The following ZMYM2 variants were observed in gnomAD, a reference collection of about 807,000 sequenced individuals.
ZMYM2 encodes zinc finger MYM-type protein 2.
ZMYM2 carries 56 observed loss-of-function variants against 162.8 expected under a neutral mutation model. The observed-to-expected ratio is 0.34, with a 90% CI of 0.28 to 0.43. The LOEUF is 0.43. Among genes scored for constraint, ZMYM2 ranks in the 20% least tolerant of loss-of-function variants. The pLI, the probability that ZMYM2 is intolerant of heterozygous loss-of-function variation, is 1.00. For missense variants in ZMYM2, 1,275 were observed against 1,621.8 expected, an observed-to-expected ratio of 0.79 and a Z score of 3.67; for synonymous variants, 510 against 541.6, an observed-to-expected ratio of 0.94 and a Z score of 0.81.
the ZMYM2 span, among the ~76,000 whole-genome samples, chr13:19,914,934 A>C: frequency 6.6e-6 from 1 of 152,150 alleles, no homozygotes; most frequent in Non-Finnish European, 1.5e-5. Context: ...TCAGTGTCCA[A>C]ATATAGGGTG....
the ZMYM2 span, among the ~76,000 whole-genome samples, chr13:19,926,403 G>A: frequency 1.6e-4 from 21 of 132,550 alleles, no homozygotes; most frequent in East Asian, 6.6e-4. Context: ...TCATTCTGTC[G>A]CCCAGGCTGG....
Position 20,087,564 on chromosome 13 carries a change from A to G in ZMYM2, c.*1550A>G. Reference sequence around the variant, plus strand: ...TAGATACTCCTCTCTCCCATAGGATAAATGTTACAGCACACAAAAGAAATT... The same window carrying G: ...TAGATACTCCTCTCTCCCATAGGATGAATGTTACAGCACACAAAAGAAATT... On this transcript the variant is annotated 3_prime_UTR_variant, in exon 25 of 25. Coordinates refer to ENST00000610343, the MANE Select transcript of ZMYM2 (RefSeq NM_197968.4). 1 of 185,584 alleles carries G rather than the reference A, an allele frequency of 5.4e-6. No individual in the cohort carries two copies. The highest frequency in any genetic ancestry group is 1.1e-5 in the Non-Finnish European group (1 of 87,496). 11.5% of individuals were successfully genotyped at this position (185,584 alleles called of 1,614,324 possible).
chr13:19,938,632 G>T, the ZMYM2 span, among the ~76,000 whole-genome samples: 1 of 152,094 alleles, frequency 6.6e-6, no homozygotes, highest in Non-Finnish European at 1.5e-5. Context: ...GGCTCTGATA[G>T]ATAGACTAGA....
Position 20,051,548 on chromosome 13 carries a change from A to G in ZMYM2, c.2408A>G (p.Gln803Arg). The G allele has an allele frequency of 6.2e-7, 1 of 1,613,572 alleles. No homozygotes were observed. The highest frequency in any genetic ancestry group is 8.5e-7 in the Non-Finnish European group (1 of 1,179,602). ...TGCTTACTGCGTTTCTACTGTCAAC[A>G]AAATGAGCCCAACATGACAACTCAG... ...QHCLLRFYCQ[Q>R]NEPNMTTQKG... Residue 803 changes from glutamine (Q) to arginine (R), a missense_variant, in exon 13 of 25, where the codon CAA becomes CGA. This residue lies in a region of ZMYM2 where 177 missense variants were observed against 228.0 expected (regional missense o/e 0.78). Transcript: ENST00000610343.
chr13:19,882,907 G>C, the ZMYM2 span, among the ~76,000 whole-genome samples: 11 of 152,092 alleles, frequency 7.2e-5, no homozygotes, highest in African/African-American at 2.7e-4. Flanking sequence ...CTGGGTTTAT[G>C]CTCAAAATAA....
chr13:19,941,608 T>G, the ZMYM2 span, among the ~76,000 whole-genome samples: 1 of 152,038 alleles, frequency 6.6e-6, no homozygotes, highest in African/African-American at 2.4e-5. Flanking sequence ...CTGTGATTGG[T>G]TAAAGCTCAA....
chr13:20,048,724 T>C, intron 12 of ZMYM2, among the ~76,000 whole-genome samples: 1 of 151,910 alleles, frequency 6.6e-6, no homozygotes. Context: ...AATTTCTGTT[T>C]AGCTGATAGG....
In ZMYM2 at chr13:20,087,887, AAG is replaced by A. The variant is rs1401923833; in HGVS notation, c.*1874_*1875del. The A allele has an allele frequency of 5.3e-6, 1 of 189,258 alleles. No homozygotes were observed. The highest frequency in any genetic ancestry group is 2.3e-5 in the African/African-American group (1 of 42,992). 11.7% of individuals were successfully genotyped at this position (189,258 alleles called of 1,614,324 possible). ...TACCTTTTTCCAGAACTACTTCTTTAAGCACTTTTCCTATTAATGCCTATTGT... is the reference window on the plus strand; with the variant it reads ...TACCTTTTTCCAGAACTACTTCTTTACACTTTTCCTATTAATGCCTATTGT... On this transcript the variant is annotated 3_prime_UTR_variant, in exon 25 of 25. Coordinates refer to ENST00000610343, the MANE Select transcript of ZMYM2 (RefSeq NM_197968.4).
At chr13:19,930,437 C>T in the ZMYM2 span, among the ~76,000 whole-genome samples, 1 of 151,866 alleles carries the variant, frequency 6.6e-6, no homozygotes, top group Non-Finnish European at 1.5e-5. Context: ...AATTTTAAAC[C>T]TATTATTTTT....
At chr13:20,029,571 G>T (rs538405865) in intron 9 of ZMYM2, among the ~76,000 whole-genome samples, 17 of 152,172 alleles carry the variant, frequency 1.1e-4, no homozygotes, top group African/African-American at 4.1e-4. Flanking sequence ...CACAAACTTA[G>T]TGTTGTACAG....
chr13:19,919,661 A>G, the ZMYM2 span, among the ~76,000 whole-genome samples: 1 of 141,406 alleles, frequency 7.1e-6, no homozygotes, highest in Non-Finnish European at 1.5e-5. Flanking sequence ...ATGTCTCTTT[A>G]TATGTTTTTT....
chr13:19,918,660 A>G, the ZMYM2 span, among the ~76,000 whole-genome samples: 3 of 151,274 alleles, frequency 2.0e-5, no homozygotes, highest in East Asian at 4.0e-4. Context: ...CACCACGCCC[A>G]GCTAATTTTT....
the ZMYM2 span, among the ~76,000 whole-genome samples, chr13:19,935,659 TTC>T: frequency 6.6e-6 from 1 of 152,170 alleles, no homozygotes; most frequent in African/African-American, 2.4e-5. Flanking sequence ...CCTTTTTTTT[TTC>T]TTTTGAGACA....
chr13:20,024,651 CT>C, intron 7 of ZMYM2: 1 of 223,318 alleles, frequency 4.5e-6, no homozygotes, highest in Non-Finnish European at 8.9e-6. Flanking sequence ...GTTTTTGTCC[CT>C]TTTCCAGTAT....
At chr13:19,948,373 A>T in the ZMYM2 span, among the ~76,000 whole-genome samples, 1 of 152,242 alleles carries the variant, frequency 6.6e-6, no homozygotes, top group African/African-American at 2.4e-5. Flanking sequence ...AGGTAAATGG[A>T]TAAATGAACT....
chr13:19,907,909 T>G, the ZMYM2 span, among the ~76,000 whole-genome samples: 3 of 152,122 alleles, frequency 2.0e-5, no homozygotes, highest in Non-Finnish European at 2.9e-5. Context: ...CACATTGCAT[T>G]TGCTTGTTTC....
chr13:20,002,722 T>G, intron 3 of ZMYM2, 128 bp from the exon 4 acceptor site: 7 of 1,167,202 alleles, frequency 6.0e-6, no homozygotes, highest in Non-Finnish European at 2.4e-6. Context: ...ACCTCTCTGC[T>G]ATGTTGCTGT....
intron 2 of ZMYM2, among the ~76,000 whole-genome samples, chr13:19,970,254 G>A (rs1295623232): frequency 6.6e-6 from 1 of 152,060 alleles, no homozygotes. Flanking sequence ...TTATGCTGTT[G>A]TAGTTTTTAA....
the ZMYM2 span, among the ~76,000 whole-genome samples, chr13:19,950,830 G>T: frequency 2.0e-5 from 3 of 152,134 alleles, no homozygotes; most frequent in Admixed American, 6.5e-5. Flanking sequence ...AGAATTTATT[G>T]ATGGGAAGGA....
Sources: gnomAD v4.1 joint callset for allele counts (sites outside exome capture counted in the v4.1 genomes callset) on GRCh38, gnomAD v4.1.1 for gene constraint, gnomAD v4.1.1 regional missense constraint, MANE v1.5 for transcripts, NCBI Gene and HGNC (gene_info 2026-07-23, HGNC 2026-07-21) for gene names.